MYO16: variants seen among roughly 807,000 people sequenced by gnomAD.
MYO16 encodes the protein unconventional myosin-XVI.
MYO16 carries 94 observed loss-of-function variants against 205.3 expected under a neutral mutation model. The ratio of observed to expected loss-of-function variants is 0.46; its 90% CI spans 0.39 to 0.54. The LOEUF (loss-of-function observed/expected upper bound fraction) is 0.54. Among genes scored for constraint, MYO16 ranks in the 20% least tolerant of loss-of-function variants. MYO16 has a pLI of 0.00. For missense variants in MYO16, 2,315 were observed against 2,387.5 expected (o/e 0.97, Z 0.63); for synonymous variants, 988 against 954.0 (o/e 1.04, Z -0.66).
chr13:108,935,659 A>G (rs1882445363), intron 16 of MYO16, among the ~76,000 whole-genome samples: 2 of 152,034 alleles, frequency 1.3e-5, no homozygotes, highest in Non-Finnish European at 2.9e-5. Context: ...ATGAAGTCCT[A>G]GTGAATAGAA....
At chr13:108,967,082 G>A (rs1032216815) in intron 20 of MYO16, among the ~76,000 whole-genome samples, 4 of 151,606 alleles carry the variant, frequency 2.6e-5, no homozygotes, top group South Asian at 2.1e-4. Context: ...TATACCTTGC[G>A]ATAGAATAGA....
chr13:108,566,568 G>A, the MYO16 span, among the ~76,000 whole-genome samples: 1 of 151,696 alleles, frequency 6.6e-6, no homozygotes, highest in Non-Finnish European at 1.5e-5. Context: ...GGAGGCAGAG[G>A]TTGCAGTGAG....
chr13:108,912,408 G>A (rs1881308579), intron 16 of MYO16, among the ~76,000 whole-genome samples: 1 of 152,022 alleles, frequency 6.6e-6, no homozygotes, highest in Admixed American at 6.6e-5. Flanking sequence ...TACAATAGAA[G>A]TTTAGAAGAA....
At chr13:108,677,336 T>C (rs1566544814) in intron 2 of MYO16, among the ~76,000 whole-genome samples, 3 of 86,652 alleles carry the variant, frequency 3.5e-5, no homozygotes, top group African/African-American at 1.6e-4. Flanking sequence ...TGTGTGTGTG[T>C]ATATATATAT....
At chr13:108,954,006 G>A (rs996638619) in intron 16 of MYO16, among the ~76,000 whole-genome samples, 2 of 152,152 alleles carry the variant, frequency 1.3e-5, no homozygotes, top group East Asian at 1.9e-4. Flanking sequence ...GACCCATTAC[G>A]TAGTTAACAG....
chr13:108,793,276 ACT>A (rs1198647900), intron 5 of MYO16, among the ~76,000 whole-genome samples: 1 of 139,070 alleles, frequency 7.2e-6, no homozygotes, highest in African/African-American at 2.8e-5. Context: ...ACAGAGCAAG[ACT>A]CTGTCTCAAA....
intron 3 of MYO16, among the ~76,000 whole-genome samples, chr13:108,717,484 G>A (rs1883990198): frequency 6.6e-6 from 1 of 151,920 alleles, no homozygotes; most frequent in Admixed American, 6.6e-5. Flanking sequence ...CAAAAAATTA[G>A]CCGGGCGTGG....
At chr13:108,983,024 G>A (rs1215455504) in intron 20 of MYO16, among the ~76,000 whole-genome samples, 1 of 151,952 alleles carries the variant, frequency 6.6e-6, no homozygotes, top group African/African-American at 2.4e-5. Context: ...CTTTTCAATT[G>A]ATATCCGTCT....
chr13:108,837,939 A>G (rs1877012738), intron 9 of MYO16, among the ~76,000 whole-genome samples: 1 of 152,210 alleles, frequency 6.6e-6, no homozygotes, highest in Admixed American at 6.5e-5. Context: ...TAATCACCCT[A>G]GACTCAAAAA....
At chr13:108,735,833 T>C (rs1884679036) in intron 4 of MYO16, among the ~76,000 whole-genome samples, 1 of 151,508 alleles carries the variant, frequency 6.6e-6, no homozygotes, top group Non-Finnish European at 1.5e-5. Context: ...ATGATCACCA[T>C]TCTAACTGGT....
intron 22 of MYO16, among the ~76,000 whole-genome samples, chr13:109,011,262 C>A (rs1312771156): frequency 1.3e-5 from 2 of 151,930 alleles, no homozygotes; most frequent in Admixed American, 6.6e-5. Flanking sequence ...CTCTTTCTTT[C>A]CTTCCCAGGG....
At chr13:108,790,361 G>C (rs1886581731) in intron 5 of MYO16, among the ~76,000 whole-genome samples, 1 of 152,182 alleles carries the variant, frequency 6.6e-6, no homozygotes, top group Non-Finnish European at 1.5e-5. Flanking sequence ...AAACCAGGCA[G>C]TAATAATATC....
intron 17 of MYO16, among the ~76,000 whole-genome samples, chr13:108,961,238 T>C (rs1883567700): frequency 6.6e-6 from 1 of 152,222 alleles, no homozygotes; most frequent in South Asian, 2.1e-4. Flanking sequence ...CAATTATTCA[T>C]TTTTGTTATT....
intron 8 of MYO16, among the ~76,000 whole-genome samples, chr13:108,822,721 C>T (rs1372801538): frequency 6.6e-6 from 1 of 152,040 alleles, no homozygotes; most frequent in African/African-American, 2.4e-5. Context: ...TATAGGAGGC[C>T]AGTTACATGC....
chr13:109,194,762 T>A (rs911521469), intron 34 of MYO16, among the ~76,000 whole-genome samples: 2 of 152,138 alleles, frequency 1.3e-5, no homozygotes, highest in Non-Finnish European at 2.9e-5. Context: ...TGATTCTTTC[T>A]TTAGGCTAGG....
At chr13:108,667,441 C>A (rs138942221) in intron 2 of MYO16, among the ~76,000 whole-genome samples, 2 of 151,486 alleles carry the variant, frequency 1.3e-5, no homozygotes, top group East Asian at 3.9e-4. Flanking sequence ...TGAAATTCAG[C>A]CATTGTATCA....
intron 4 of MYO16, among the ~76,000 whole-genome samples, chr13:108,766,985 A>G (rs1237276166): frequency 6.6e-6 from 1 of 152,218 alleles, no homozygotes; most frequent in Non-Finnish European, 1.5e-5. Context: ...CTGGAAATAG[A>G]TAAATTGAAT....
chr13:108,622,231 G>A (rs1213006861), intron 1 of MYO16, among the ~76,000 whole-genome samples: 1 of 152,166 alleles, frequency 6.6e-6, no homozygotes, highest in Non-Finnish European at 1.5e-5. Flanking sequence ...GATAGCATTA[G>A]ATCAATACAA....
chr13:108,547,699 G>A, the MYO16 span, among the ~76,000 whole-genome samples: 1 of 152,240 alleles, frequency 6.6e-6, no homozygotes, highest in African/African-American at 2.4e-5. Context: ...TGGTGGATGA[G>A]ATGCTGTTAG....
Sources: gnomAD v4.1 joint callset for allele counts (sites outside exome capture counted in the v4.1 genomes callset) on GRCh38, gnomAD v4.1.1 for gene constraint, MANE v1.5 for transcripts, NCBI Gene and HGNC (gene_info 2026-07-23, HGNC 2026-07-21) for gene names.